The following MAD1L1 variants were observed in gnomAD, a reference collection of about 807,000 sequenced individuals.
MAD1L1 encodes the protein mitotic arrest deficient 1 like 1, also known as mitotic spindle assembly checkpoint protein MAD1.
MAD1L1 carries 95 observed loss-of-function variants against 96.9 expected under a neutral mutation model. That is an observed-to-expected ratio of 0.98 (90% CI 0.83 to 1.16). The LOEUF is 1.16. Among genes scored for constraint, MAD1L1 ranks in the 50% most tolerant of loss-of-function variants. The probability of loss-of-function intolerance (pLI) is 0.00; values close to 1 mark genes in which losing one functional copy is unlikely to be tolerated. For synonymous variants in MAD1L1, 473 were observed against 396.6 expected, an observed-to-expected ratio of 1.19 and a Z score of -2.29; for missense variants, 1,007 against 954.4, an observed-to-expected ratio of 1.06 and a Z score of -0.73.
intron 15 of MAD1L1, among the ~76,000 whole-genome samples, chr7:1,962,643 A>C (rs1779999846): frequency 6.6e-6 from 1 of 152,262 alleles, no homozygotes; most frequent in Admixed American, 6.5e-5. Context: ...TGGACAAAAA[A>C]ACAGGTGCTT....
chr7:1,839,975 G>A (rs577635685), intron 18 of MAD1L1, among the ~76,000 whole-genome samples: 68 of 152,322 alleles, frequency 4.5e-4, no homozygotes, highest in African/African-American at 1.5e-3. Flanking sequence ...GTGCCCAGGC[G>A]GAGCAGGACC....
rs1436792753 is a variant in MAD1L1 at position 1,870,830 on chromosome 7, C to T, written c.1998+27370G>A. The stretch of plus-strand genomic sequence containing the variant: ...GCCTGCCACGCTGAACCGACCATAA[C>T]ACCTGCCACGCTGAACCGACCATAA... On this transcript the variant is annotated intron_variant, in intron 18 of 18. Coordinates refer to ENST00000265854, the MANE Select transcript of MAD1L1 (RefSeq NM_001013836.2). Among the ~76,000 whole-genome samples, 3 of 15,296 alleles carry T rather than the reference C, an allele frequency of 2.0e-4. 1 individual carries two copies. Among genetic ancestry groups the T allele is most frequent in the Non-Finnish European group, 1.0e-4 (1 of 9,888 alleles). 10.0% of individuals were successfully genotyped at this position (15,296 alleles called of 152,430 possible).
intron 12 of MAD1L1, among the ~76,000 whole-genome samples, chr7:2,052,345 C>T (rs998689361): frequency 2.0e-5 from 3 of 152,332 alleles, no homozygotes; most frequent in South Asian, 2.1e-4. Context: ...CAGTTGGTAA[C>T]AGCCTCAGGA....
At chr7:2,192,520 G>C (rs533052240) in intron 10 of MAD1L1, among the ~76,000 whole-genome samples, 1 of 152,302 alleles carries the variant, frequency 6.6e-6, no homozygotes, top group South Asian at 2.1e-4. Flanking sequence ...CAAGAGCTCT[G>C]AGTATTGAAA....
chr7:1,826,287 C>T (rs781163475), intron 18 of MAD1L1, among the ~76,000 whole-genome samples: 7 of 152,190 alleles, frequency 4.6e-5, no homozygotes, highest in African/African-American at 7.2e-5. Context: ...GGCCCGTCCG[C>T]GCTCTGAGGA....
chr7:1,948,894 G>C (rs2065746712), intron 16 of MAD1L1, among the ~76,000 whole-genome samples: 1 of 152,174 alleles, frequency 6.6e-6, no homozygotes, highest in Non-Finnish European at 1.5e-5. Flanking sequence ...CACCTGCCTG[G>C]AGCAGTCCCT....
chr7:1,994,080 C>T (rs1781457053), intron 14 of MAD1L1, among the ~76,000 whole-genome samples: 2 of 152,254 alleles, frequency 1.3e-5, no homozygotes, highest in African/African-American at 4.8e-5. Context: ...CTGGCTGCCC[C>T]TGTTCCTCGT....
At chr7:1,906,224 C>T (rs985520041) in intron 17 of MAD1L1, among the ~76,000 whole-genome samples, 13 of 152,228 alleles carry the variant, frequency 8.5e-5, no homozygotes, top group Admixed American at 7.8e-4. Context: ...GTAGGGTCCC[C>T]GAACCCCAAG....
chr7:2,130,291 A>G (rs1788451158), intron 11 of MAD1L1, among the ~76,000 whole-genome samples: 1 of 152,168 alleles, frequency 6.6e-6, no homozygotes, highest in Admixed American at 6.5e-5. Context: ...GGGCTAGAGA[A>G]AAGCTAGCCT....
chr7:2,034,112 TAAC>T (rs1287789059), intron 12 of MAD1L1, among the ~76,000 whole-genome samples: 1 of 151,336 alleles, frequency 6.6e-6, no homozygotes, highest in Non-Finnish European at 1.5e-5. Context: ...AATAAATAAA[TAAC>T]AAATGAATCA....
At chr7:2,141,880 A>G (rs778450713) in intron 11 of MAD1L1, among the ~76,000 whole-genome samples, 16 of 152,210 alleles carry the variant, frequency 1.1e-4, no homozygotes, top group Non-Finnish European at 1.9e-4. Context: ...TTCCTACTAA[A>G]GTCCCAGTGG....
At chr7:2,030,114 T>G in intron 12 of MAD1L1, among the ~76,000 whole-genome samples, 1 of 152,152 alleles carries the variant, frequency 6.6e-6, no homozygotes, top group Non-Finnish European at 1.5e-5. Context: ...CTAGCCTCAT[T>G]TCTGCAGGGC....
At chr7:2,001,131 G>A (rs1584039800) in intron 14 of MAD1L1, among the ~76,000 whole-genome samples, 1 of 152,262 alleles carries the variant, frequency 6.6e-6, no homozygotes, top group East Asian at 1.9e-4. Flanking sequence ...TGAGAGCCAG[G>A]ACACCGGCTC....
At chr7:2,139,996 C>A (rs947718516) in intron 11 of MAD1L1, among the ~76,000 whole-genome samples, 4 of 151,064 alleles carry the variant, frequency 2.6e-5, no homozygotes, top group Non-Finnish European at 4.4e-5. Flanking sequence ...ACCCCGCCCC[C>A]CCCCAGTCCC....
chr7:1,982,244 C>G (rs1410501257), intron 14 of MAD1L1, among the ~76,000 whole-genome samples: 2 of 152,026 alleles, frequency 1.3e-5, no homozygotes, highest in Non-Finnish European at 2.9e-5. Flanking sequence ...GAGACAGAGT[C>G]TCGCTGTGTC....
At chr7:1,859,194 TC>T in intron 18 of MAD1L1, among the ~76,000 whole-genome samples, 1 of 152,106 alleles carries the variant, frequency 6.6e-6, no homozygotes, top group East Asian at 1.9e-4. Flanking sequence ...CCAGCCTGCC[TC>T]CCCCTGGTGT....
chr7:1,957,585 A>G (rs771168790), intron 16 of MAD1L1, 44 bp downstream of exon 16: 10 of 1,570,788 alleles, frequency 6.4e-6, no homozygotes, highest in Middle Eastern at 1.7e-4. Context: ...CAAAGAAATG[A>G]GAGGCCCAGG....
intron 17 of MAD1L1, among the ~76,000 whole-genome samples, chr7:1,907,661 G>A (rs1234269013): frequency 6.6e-6 from 1 of 152,218 alleles, no homozygotes; most frequent in Non-Finnish European, 1.5e-5. Context: ...TTTCCTCCCT[G>A]GGTGTGGCAG....
intron 11 of MAD1L1, among the ~76,000 whole-genome samples, chr7:2,102,079 G>A (rs981909930): frequency 6.6e-6 from 1 of 151,990 alleles, no homozygotes; most frequent in Non-Finnish European, 1.5e-5. Context: ...AGGATAAGGT[G>A]AAAACGCAGG....
Sources: allele counts gnomAD v4.1 joint callset (sites outside exome capture counted in the v4.1 genomes callset), GRCh38; gene constraint gnomAD v4.1.1; transcripts MANE v1.5; gene names NCBI Gene and HGNC (gene_info 2026-07-23, HGNC 2026-07-21).